Variants in LRRC28 observed in about 807,000 individuals in gnomAD.
LRRC28 encodes the protein leucine-rich repeat-containing protein 28.
A neutral mutation model predicts 45.7 loss-of-function variants in LRRC28; 39 were observed. The ratio of observed to expected loss-of-function variants is 0.85; its 90% CI spans 0.66 to 1.12. The LOEUF (loss-of-function observed/expected upper bound fraction) is 1.12, where lower values mean the gene tolerates loss of function less well. Among genes scored for constraint, LRRC28 ranks in the 50% most tolerant of loss-of-function variants. LRRC28 has a pLI of 0.00. For missense variants in LRRC28, 435 were observed against 438.5 expected (o/e 0.99, Z 0.07); for synonymous variants, 206 against 178.8 (o/e 1.15, Z -1.22).
chr15:99,292,161 G>A lies in LRRC28; in HGVS notation c.385+4210G>A, dbSNP rs146353994. ...ATTGCCCTGTACTCTGTGATGGTGG[G>A]TCTTGCCTGTGAGAAGTTTCTCTTG... On this transcript the variant is annotated intron_variant, in intron 5 of 9. Coordinates refer to ENST00000301981, the MANE Select transcript of LRRC28 (RefSeq NM_144598.5). Among the ~76,000 whole-genome samples, 954 of 152,264 alleles carry A rather than the reference G, an allele frequency of 6.3e-3. 13 individuals are homozygous for A. Among genetic ancestry groups the A allele is most frequent in the African/African-American group, 0.022 (894 of 41,566 alleles).
At chr15:99,320,865 T>C (rs1321076324) in intron 5 of LRRC28, 1 of 152,222 alleles carries the variant, frequency 6.6e-6, no homozygotes, top group Admixed American at 6.5e-5. Context: ...TGTTAATTCC[T>C]TCAGATTAGT....
At position 99,386,143 on chromosome 15, in the gene LRRC28, T is replaced by C; in HGVS notation, c.*41T>C. ...CTCAGGAGCGCTGCCAGCTTGACAC[T>C]GGGGAATCCAGCCAGTCCAGCACAC... On this transcript the variant is annotated 3_prime_UTR_variant, in exon 10 of 10. Coordinates refer to ENST00000301981, the MANE Select transcript of LRRC28 (RefSeq NM_144598.5). The C allele has an allele frequency of 1.3e-6, 2 of 1,513,040 alleles. No homozygotes were observed. Among genetic ancestry groups the C allele is most frequent in the Non-Finnish European group, 9.2e-7 (1 of 1,087,976 alleles). 93.7% of individuals were successfully genotyped at this position (1,513,040 alleles called of 1,614,324 possible). A position where few individuals can be genotyped will look rare whatever the true frequency, so the allele number is the denominator to read the frequency against.
chr15:99,374,606 T>C (rs2152335949), intron 9 of LRRC28, among the ~76,000 whole-genome samples: 1 of 152,340 alleles, frequency 6.6e-6, no homozygotes, highest in Non-Finnish European at 1.5e-5. Flanking sequence ...TCTTGCCTTA[T>C]AGCAGTGGTT....
intron 5 of LRRC28, among the ~76,000 whole-genome samples, chr15:99,308,436 G>A (rs572649187): frequency 1.3e-5 from 2 of 152,320 alleles, no homozygotes; most frequent in South Asian, 2.1e-4. Flanking sequence ...GGAGGCCGAG[G>A]TAGGAGGATC....
intron 5 of LRRC28, among the ~76,000 whole-genome samples, chr15:99,299,807 C>A (rs764975769): frequency 1.1e-4 from 16 of 152,066 alleles, no homozygotes; most frequent in Admixed American, 2.0e-4. Context: ...TAAGCAGATA[C>A]CTTTTTTTGA....
chr15:99,370,372 G>A (rs983268901), intron 9 of LRRC28, among the ~76,000 whole-genome samples: 1 of 152,150 alleles, frequency 6.6e-6, no homozygotes, highest in African/African-American at 2.4e-5. Flanking sequence ...ATGTGTATGT[G>A]TACGTATGTA....
chr15:99,336,028 G>A (rs1030250195), intron 6 of LRRC28, among the ~76,000 whole-genome samples: 29 of 152,030 alleles, frequency 1.9e-4, no homozygotes, highest in African/African-American at 6.5e-4. Context: ...GTCTGGGGTC[G>A]CCTATACTAC....
intron 3 of LRRC28, among the ~76,000 whole-genome samples, chr15:99,283,672 G>GAC (rs1238284212): frequency 6.9e-6 from 1 of 145,440 alleles, no homozygotes; most frequent in East Asian, 2.0e-4. Flanking sequence ...CTAAGAAACT[G>GAC]ACTCTGGAAT....
At chr15:99,334,402 AGTGT>A (rs57298947) in intron 6 of LRRC28, among the ~76,000 whole-genome samples, 2,349 of 144,638 alleles carry the variant, frequency 0.016, 29 homozygotes, top group East Asian at 0.027. Flanking sequence ...GGAATTAAAG[AGTGT>A]GTGTGTGTGT....
intron 8 of LRRC28, among the ~76,000 whole-genome samples, chr15:99,362,603 C>T (rs207475731): frequency 7.2e-5 from 11 of 152,128 alleles, no homozygotes; most frequent in Non-Finnish European, 1.3e-4. Flanking sequence ...GTCAAGCAAA[C>T]GCTTGGTTTC....
intron 9 of LRRC28, among the ~76,000 whole-genome samples, chr15:99,377,238 C>T (rs1379266987): frequency 5.9e-5 from 9 of 151,806 alleles, no homozygotes; most frequent in Admixed American, 5.2e-4. Flanking sequence ...GATCGCCATT[C>T]TAACTGGTGT....
At chr15:99,257,471 C>A (rs572060192) in intron 2 of LRRC28, among the ~76,000 whole-genome samples, 2 of 152,250 alleles carry the variant, frequency 1.3e-5, no homozygotes, top group African/African-American at 4.8e-5. Context: ...TGCCATAGCC[C>A]AATGGGGTAG....
intron 5 of LRRC28, among the ~76,000 whole-genome samples, chr15:99,296,135 G>C (rs2082255802): frequency 6.6e-6 from 1 of 152,232 alleles, no homozygotes; most frequent in Non-Finnish European, 1.5e-5. Context: ...ATAGGCTGCT[G>C]TTCTGCAGCA....
chr15:99,386,002 G>C (rs754168111), intron 9 of LRRC28, 28 bp from the exon 10 acceptor site: 1 of 1,602,442 alleles, frequency 6.2e-7, no homozygotes, highest in East Asian at 2.2e-5. Flanking sequence ...AACTCACAGC[G>C]TTCTTCTCTC....
At chr15:99,289,944 A>C (rs1350751213) in intron 5 of LRRC28, among the ~76,000 whole-genome samples, 1 of 140,618 alleles carries the variant, frequency 7.1e-6, no homozygotes, top group Admixed American at 7.3e-5. Flanking sequence ...CGTCTCAAAA[A>C]AAAAAAAAAA....
At chr15:99,301,839 A>T (rs1174724908) in intron 5 of LRRC28, among the ~76,000 whole-genome samples, 1 of 152,124 alleles carries the variant, frequency 6.6e-6, no homozygotes, top group Non-Finnish European at 1.5e-5. Flanking sequence ...TAAAATTATG[A>T]TATATAATGG....
chr15:99,358,494 A>G (rs934978141), intron 7 of LRRC28, among the ~76,000 whole-genome samples: 1 of 147,820 alleles, frequency 6.8e-6, no homozygotes, highest in Non-Finnish European at 1.5e-5. Context: ...AAATTGAACA[A>G]TAATAGTTAG....
At chr15:99,260,269 A>G (rs1379640638) in intron 2 of LRRC28, among the ~76,000 whole-genome samples, 1 of 152,220 alleles carries the variant, frequency 6.6e-6, no homozygotes. Flanking sequence ...TATAAAAATA[A>G]AAAAGATTTC....
rs1012476418 is a variant in LRRC28 at position 99,387,159 on chromosome 15, C to T, written c.*1057C>T. ...CACTGCAAGCTCCGCCTCCCGGGTT[C>T]ACGCCATTCTCCTGCCTCAGCCTCC... is the stretch of plus-strand genomic sequence containing the variant. On this transcript the variant is annotated 3_prime_UTR_variant, in exon 10 of 10. Transcript: ENST00000301981. 1.3e-5 allele frequency: 2 copies of T among 149,626 alleles called. No homozygotes were observed. The highest frequency in any genetic ancestry group is 1.5e-5 in the Non-Finnish European group (1 of 67,234). 9.3% of individuals were successfully genotyped at this position (149,626 alleles called of 1,614,324 possible).
Sources: allele counts gnomAD v4.1 joint callset (sites outside exome capture counted in the v4.1 genomes callset), GRCh38; gene constraint gnomAD v4.1.1; transcripts MANE v1.5; gene names NCBI Gene and HGNC (gene_info 2026-07-23, HGNC 2026-07-21).